Variants in SLC16A9 observed in about 807,000 individuals in gnomAD.
SLC16A9 encodes the protein solute carrier family 16 member 9, also known as monocarboxylate transporter 9.
SLC16A9 carries 26 observed loss-of-function variants against 44.3 expected under a neutral mutation model. The observed-to-expected ratio is 0.59, with a 90% confidence interval of 0.43 to 0.81. SLC16A9 has a LOEUF of 0.81. Ranked by LOEUF, SLC16A9 falls within the 40% of genes least tolerant of loss-of-function variation. The pLI, the probability that SLC16A9 is intolerant of heterozygous loss-of-function variation, is 0.00. For synonymous variants in SLC16A9, 230 were observed against 225.1 expected (o/e 1.02, Z -0.19); for missense variants, 559 against 595.8 (o/e 0.94, Z 0.64).
At chr10:59,681,756 GTATATGATGTATATGTATATGTA>G in intron 2 of SLC16A9, among the ~76,000 whole-genome samples, 1 of 16,420 alleles carries the variant, frequency 6.1e-5, no homozygotes, top group Admixed American at 1.3e-3. Context: ...ATATGTATAT[GTATATGATGTATATGTATATGTA>G]TATGATGTAT....
chr10:59,707,832 C>G (rs766393099), intron 1 of SLC16A9, among the ~76,000 whole-genome samples: 1 of 152,104 alleles, frequency 6.6e-6, no homozygotes, highest in Non-Finnish European at 1.5e-5. Context: ...CCAGATCCAC[C>G]CCAGACCACC....
At chr10:59,703,847 T>G (rs1320632468) in intron 1 of SLC16A9, among the ~76,000 whole-genome samples, 1 of 152,002 alleles carries the variant, frequency 6.6e-6, no homozygotes, top group African/African-American at 2.4e-5. Context: ...GCCTCCCAGG[T>G]AGCTGGGACT....
At chr10:59,664,933 C>T (rs942734718) in intron 3 of SLC16A9, among the ~76,000 whole-genome samples, 3 of 152,076 alleles carry the variant, frequency 2.0e-5, no homozygotes, top group African/African-American at 4.8e-5. Flanking sequence ...CTTTAAAATA[C>T]TTTCACCAAA....
chr10:59,678,176 C>A (rs1371146425), intron 2 of SLC16A9, among the ~76,000 whole-genome samples: 1 of 151,890 alleles, frequency 6.6e-6, no homozygotes, highest in Non-Finnish European at 1.5e-5. Context: ...TTGGCTGATG[C>A]TACAGTGAGA....
chr10:59,662,495 C>T lies in SLC16A9; in HGVS notation c.436+1732G>A, dbSNP rs562352257. 2.3e-4 allele frequency among the ~76,000 whole-genome samples: 35 copies of T among 151,470 alleles called. No homozygotes were observed. In the East Asian group the frequency reaches 4.3e-3, roughly 18 times the overall value. Reference sequence around the variant, plus strand: ...ACTAAAAATACAAAAATTAGCTGGGCGTGGTGGCAGGCACCTGTAATCCCA... The same window carrying T: ...ACTAAAAATACAAAAATTAGCTGGGTGTGGTGGCAGGCACCTGTAATCCCA... On this transcript the variant is annotated intron_variant, in intron 4 of 5. Coordinates refer to ENST00000395348, the MANE Select transcript of SLC16A9 (RefSeq NM_194298.3).
Position 59,692,643 on chromosome 10 carries a change from A to C in SLC16A9, c.-36-8316T>G, listed in dbSNP as rs986751533. On this transcript the variant is annotated intron_variant, in intron 1 of 5. Transcript: ENST00000395348. ...TTTTAGCTCTGACTCCAATGTAGGT[A>C]ACAAGTTTTATAAACTAAAAAGCAA... 3.9e-5 allele frequency among the ~76,000 whole-genome samples: 6 copies of C among 152,198 alleles called. No individual in the cohort carries two copies. The East Asian group carries it at 1.2e-3, about 29-fold the overall frequency.
chr10:59,660,807 G>A (rs1315423886), intron 4 of SLC16A9, among the ~76,000 whole-genome samples: 3 of 152,088 alleles, frequency 2.0e-5, no homozygotes, highest in Middle Eastern at 3.2e-3. Flanking sequence ...TATCCACCAC[G>A]ATCAAGTTGG....
chr10:59,668,953 C>T (rs958332977), intron 3 of SLC16A9, among the ~76,000 whole-genome samples: 2 of 152,062 alleles, frequency 1.3e-5, no homozygotes, highest in African/African-American at 4.8e-5. Flanking sequence ...GGCAGAATTA[C>T]AGTAAGAGAA....
rs572629851 is a variant in SLC16A9, at chr10:59,681,302, A to G, written c.196+2794T>C. ...ATATAAACACTGTTTCAGGGTTTGC[A>G]TCTTAATTTATGCTATGAGGAACCC... On this transcript the variant is annotated intron_variant, in intron 2 of 5. Transcript: ENST00000395348. Among the ~76,000 whole-genome samples the G allele has an allele frequency of 2.6e-5, 4 of 151,972 alleles. No homozygotes were observed. In the East Asian group the frequency reaches 7.7e-4, roughly 29 times the overall value.
intron 1 of SLC16A9, among the ~76,000 whole-genome samples, chr10:59,686,323 G>A (rs983787140): frequency 6.6e-6 from 1 of 151,990 alleles, no homozygotes; most frequent in Non-Finnish European, 1.5e-5. Context: ...TGTTCTATAT[G>A]AACTTCAGAA....
chr10:59,680,047 G>C (rs1287504519), intron 2 of SLC16A9, among the ~76,000 whole-genome samples: 1 of 151,968 alleles, frequency 6.6e-6, no homozygotes, highest in African/African-American at 2.4e-5. Flanking sequence ...AAACATGGAT[G>C]GTGTTTTCTA....
At chr10:59,666,473 C>T (rs1434951884) in intron 3 of SLC16A9, among the ~76,000 whole-genome samples, 2 of 151,996 alleles carry the variant, frequency 1.3e-5, no homozygotes, top group Non-Finnish European at 2.9e-5. Flanking sequence ...CTAAGATGTT[C>T]TCTGCTTTTT....
intron 3 of SLC16A9, among the ~76,000 whole-genome samples, chr10:59,667,997 C>G (rs1839659354): frequency 6.6e-6 from 1 of 152,082 alleles, no homozygotes; most frequent in African/African-American, 2.4e-5. Context: ...ACATCAAGCT[C>G]TTTATCACAC....
intron 3 of SLC16A9, among the ~76,000 whole-genome samples, chr10:59,671,341 T>C (rs779358617): frequency 6.6e-6 from 1 of 152,196 alleles, no homozygotes; most frequent in Non-Finnish European, 1.5e-5. Flanking sequence ...AGTTGGTATA[T>C]ATGGAATGAT....
At position 59,707,275 on chromosome 10, in the gene SLC16A9, GAGGGAAGGGAAGGGAAGGGA is replaced by G. The variant is rs1160399534; in HGVS notation, c.-37+2184_-37+2203del. On this transcript the variant is annotated intron_variant, in intron 1 of 5. Transcript: ENST00000395348. Reference sequence around the variant, plus strand: ...GAGGGCAGAGGAGGGGAGGGGAGAGGAGGGAAGGGAAGGGAAGGGAAGGGAAGGGAAGGGAAGGGAAGGGA... The same window carrying G: ...GAGGGCAGAGGAGGGGAGGGGAGAGGAGGGAAGGGAAGGGAAGGGAAGGGA... 7.5e-4 allele frequency among the ~76,000 whole-genome samples: 47 copies of G among 62,696 alleles called. 1 individual carries two copies. Among genetic ancestry groups the G allele is most frequent in the Middle Eastern group, 9.6e-3 (1 of 104 alleles). The allele number at this position is 62,696 out of a possible 152,430, so 41.1% of individuals were successfully genotyped here. A position where few individuals can be genotyped will look rare whatever the true frequency, so the allele number is the denominator to read the frequency against.
At chr10:59,653,330 G>A (rs1361857419) in intron 5 of SLC16A9, among the ~76,000 whole-genome samples, 5 of 144,788 alleles carry the variant, frequency 3.5e-5, no homozygotes, top group Non-Finnish European at 7.5e-5. Context: ...GGAGGCTGAG[G>A]CAGGAGAATG....
At position 59,652,875 on chromosome 10, in the gene SLC16A9, A is replaced by T; in HGVS notation, c.1427T>A (p.Phe476Tyr). ...GGGCAAGGCTGCCAGCAGCAGAATAAAACCTCCCAGCAGGACGCAGAAGCC... is the reference window on the plus strand; with the variant it reads ...GGGCAAGGCTGCCAGCAGCAGAATATAACCTCCCAGCAGGACGCAGAAGCC... ...FSGFCVLLGG[F>Y]ILLLAALPSW... Residue 476 changes from phenylalanine (F) to tyrosine (Y), a missense_variant, in exon 6 of 6, where the codon TTT (phenylalanine) becomes TAT (tyrosine). By Grantham distance (22) the Phe-to-Tyr change is conservative. Transcript: ENST00000395348. The T allele has an allele frequency of 6.2e-7, 1 of 1,614,148 alleles. No homozygotes were observed. The highest frequency in any genetic ancestry group is 8.5e-7 in the Non-Finnish European group (1 of 1,179,992).
At chr10:59,706,429 T>C (rs1178835579) in intron 1 of SLC16A9, among the ~76,000 whole-genome samples, 1 of 152,146 alleles carries the variant, frequency 6.6e-6, no homozygotes, top group African/African-American at 2.4e-5. Context: ...AAAGCCATGA[T>C]GGAAAACAAT....
intron 1 of SLC16A9, among the ~76,000 whole-genome samples, chr10:59,685,609 T>C (rs1840113453): frequency 6.6e-6 from 1 of 152,226 alleles, no homozygotes; most frequent in Non-Finnish European, 1.5e-5. Context: ...TTCTGCACTG[T>C]ATTCCAGTAT....
Sources: allele counts gnomAD v4.1 joint callset (sites outside exome capture counted in the v4.1 genomes callset), GRCh38; gene constraint gnomAD v4.1.1; transcripts MANE v1.5; gene names NCBI Gene and HGNC (gene_info 2026-07-23, HGNC 2026-07-21).